ADAMTS6: variants seen among roughly 807,000 people sequenced by gnomAD.
ADAMTS6 encodes A disintegrin and metalloproteinase with thrombospondin motifs 6.
Under a neutral mutation model 144.3 loss-of-function variants are expected in ADAMTS6, and 23 were observed. That is an observed-to-expected ratio of 0.16 (90% CI 0.11 to 0.23). The LOEUF (loss-of-function observed/expected upper bound fraction) is 0.23. ADAMTS6 is among the 10% of genes least tolerant of loss of function. ADAMTS6 has a pLI of 1.00. For missense variants in ADAMTS6, 999 were observed against 1,379.6 expected (o/e 0.72, Z 4.37); for synonymous variants, 444 against 457.5 (o/e 0.97, Z 0.38).
chr5:65,257,663 T>A (rs62369607), intron 14 of ADAMTS6, among the ~76,000 whole-genome samples: 19,511 of 152,282 alleles, frequency 0.13, 1,349 homozygotes, highest in African/African-American at 0.15. Flanking sequence ...AAGATAAAGA[T>A]CACACTTCTT....
At chr5:65,305,759 G>GAC (rs142815002) in intron 9 of ADAMTS6, among the ~76,000 whole-genome samples, 1 of 151,708 alleles carries the variant, frequency 6.6e-6, no homozygotes, top group East Asian at 1.9e-4. Context: ...AAGTCAGAGG[G>GAC]ACACACACAC....
intron 24 of ADAMTS6, among the ~76,000 whole-genome samples, chr5:65,162,529 A>G (rs150623863): frequency 2.2e-4 from 34 of 152,072 alleles, no homozygotes; most frequent in African/African-American, 8.2e-4. Flanking sequence ...TAATCTTTAA[A>G]CTGGGCAAAT....
chr5:65,403,053 C>T (rs58453221), intron 7 of ADAMTS6, among the ~76,000 whole-genome samples: 5,430 of 152,036 alleles, frequency 0.036, 298 homozygotes, highest in African/African-American at 0.12. Flanking sequence ...ATAGCTCCAT[C>T]CCTCCTAATA....
At chr5:65,244,949 A>T (rs1303184031) in intron 14 of ADAMTS6, among the ~76,000 whole-genome samples, 2 of 152,138 alleles carry the variant, frequency 1.3e-5, no homozygotes, top group African/African-American at 4.8e-5. Flanking sequence ...TTGTAAAATG[A>T]GAGGGATAAA....
chr5:65,201,385 T>C (rs747072527), intron 20 of ADAMTS6, among the ~76,000 whole-genome samples: 2 of 152,216 alleles, frequency 1.3e-5, no homozygotes, highest in Non-Finnish European at 2.9e-5. Context: ...TGTAACATAG[T>C]ATTTGGCAAT....
chr5:65,468,623 G>A (rs1418068678), intron 3 of ADAMTS6, among the ~76,000 whole-genome samples: 1 of 152,044 alleles, frequency 6.6e-6, no homozygotes, highest in African/African-American at 2.4e-5. Context: ...TAGTTAACAC[G>A]GACCATACAG....
intron 20 of ADAMTS6, among the ~76,000 whole-genome samples, chr5:65,204,935 G>A (rs1755983510): frequency 6.6e-6 from 1 of 152,092 alleles, no homozygotes; most frequent in African/African-American, 2.4e-5. Flanking sequence ...GGAAATGAAT[G>A]GCATTGAATA....
intron 11 of ADAMTS6, among the ~76,000 whole-genome samples, chr5:65,275,528 G>A (rs926841601): frequency 1.3e-5 from 2 of 151,694 alleles, no homozygotes; most frequent in African/African-American, 2.4e-5. Context: ...TCATGTTTAC[G>A]ATCCAATATT....
chr5:65,279,923 G>A (rs892050549), intron 11 of ADAMTS6, among the ~76,000 whole-genome samples: 1 of 152,114 alleles, frequency 6.6e-6, no homozygotes, highest in Admixed American at 6.6e-5. Context: ...CTTATCTTCA[G>A]TGAATATTAT....
intron 9 of ADAMTS6, among the ~76,000 whole-genome samples, chr5:65,323,052 A>C (rs1745778600): frequency 6.6e-6 from 1 of 152,184 alleles, no homozygotes; most frequent in South Asian, 2.1e-4. Context: ...TTCTGATACC[A>C]AAACTGGACA....
At chr5:65,463,274 G>A (rs1186259815) in intron 3 of ADAMTS6, among the ~76,000 whole-genome samples, 1 of 151,996 alleles carries the variant, frequency 6.6e-6, no homozygotes. Context: ...AAAAATGAGG[G>A]AGCAAGCCAA....
rs1382890787 is a variant in ADAMTS6 at position 65,245,560 on chromosome 5, T to A, written c.1831-3354A>T. Among the ~76,000 whole-genome samples the A allele has an allele frequency of 2.6e-5, 4 of 152,280 alleles. No individual in the cohort carries two copies. In the East Asian group the frequency reaches 7.7e-4, roughly 29 times the overall value. On this transcript the variant is annotated intron_variant, in intron 14 of 24. Transcript: ENST00000381055. ...CTGCATTAAATTCCCTCTATTTTAA[T>A]AGTCAGAGTGGTCTATTATATTATA...
In ADAMTS6 at chr5:65,185,482, G is replaced by A. The variant is rs186872501; in HGVS notation, c.2910+2534C>T. Among the ~76,000 whole-genome samples the A allele has an allele frequency of 5.9e-5, 9 of 152,316 alleles. No homozygotes were observed. In the East Asian group the frequency reaches 1.5e-3, roughly 26 times the overall value. On this transcript the variant is annotated intron_variant, in intron 22 of 24. Coordinates refer to ENST00000381055, the MANE Select transcript of ADAMTS6 (RefSeq NM_197941.4). ...ATCCCAGAATTGTTTCCTGTCTGTGGAAAGACAACAGCAGCTCCCTTGGAC... is the reference window on the plus strand; with the variant it reads ...ATCCCAGAATTGTTTCCTGTCTGTGAAAAGACAACAGCAGCTCCCTTGGAC...
intron 21 of ADAMTS6, among the ~76,000 whole-genome samples, chr5:65,196,522 CAA>C (rs533444182): frequency 2.6e-4 from 10 of 38,030 alleles, no homozygotes; most frequent in African/African-American, 3.9e-4. Flanking sequence ...GACTCCGTCT[CAA>C]AAAAAAAAAA....
chr5:65,148,908 A>G lies in ADAMTS6; in HGVS notation c.*2928T>C, dbSNP rs1256606707. On this transcript the variant is annotated 3_prime_UTR_variant, in exon 25 of 25. Coordinates refer to ENST00000381055, the MANE Select transcript of ADAMTS6 (RefSeq NM_197941.4). ...AGGAAACATGGCAATAAATTAGAAT[A>G]TAATTTACAAAAGCAAAAAAATTAA... 2.0e-5 allele frequency: 3 copies of G among 152,650 alleles called. No individual in the cohort carries two copies. The highest frequency in any genetic ancestry group is 7.2e-5 in the African/African-American group (3 of 41,464). The allele number at this position is 152,650 out of a possible 1,614,324, so 9.5% of individuals were successfully genotyped here. A position where few individuals can be genotyped will look rare whatever the true frequency, so the allele number is the denominator to read the frequency against.
chr5:65,414,987 G>A (rs1755379721), intron 7 of ADAMTS6, among the ~76,000 whole-genome samples: 2 of 152,064 alleles, frequency 1.3e-5, no homozygotes, highest in Admixed American at 6.6e-5. Flanking sequence ...AGGTAAATTG[G>A]AATTCATTGA....
At chr5:65,316,448 AAAAC>A (rs1345803138) in intron 9 of ADAMTS6, among the ~76,000 whole-genome samples, 1 of 152,342 alleles carries the variant, frequency 6.6e-6, no homozygotes, top group Non-Finnish European at 1.5e-5. Flanking sequence ...AAAAAGCTAG[AAAAC>A]AAACAGCAAT....
chr5:65,427,574 G>A (rs1213800127), intron 7 of ADAMTS6, among the ~76,000 whole-genome samples: 5 of 152,198 alleles, frequency 3.3e-5, no homozygotes, highest in South Asian at 2.1e-4. Flanking sequence ...CGAGGCAGGC[G>A]GATCGTGAGG....
intron 7 of ADAMTS6, among the ~76,000 whole-genome samples, chr5:65,351,024 T>C (rs1021415045): frequency 2.0e-5 from 3 of 152,210 alleles, no homozygotes; most frequent in African/African-American, 7.2e-5. Context: ...ATGCTTTATG[T>C]TTGTCTCCTA....
Sources: allele counts gnomAD v4.1 joint callset (sites outside exome capture counted in the v4.1 genomes callset), GRCh38; gene constraint gnomAD v4.1.1; transcripts MANE v1.5; gene names NCBI Gene and HGNC (gene_info 2026-07-23, HGNC 2026-07-21).